The following MIPOL1 variants were observed in gnomAD, a reference collection of about 807,000 sequenced individuals.
MIPOL1 encodes the protein mirror-image polydactyly 1, also known as mirror-image polydactyly gene 1 protein.
A neutral mutation model predicts 60.9 loss-of-function variants in MIPOL1; 57 were observed. The ratio of observed to expected loss-of-function variants is 0.94; its 90% CI spans 0.76 to 1.17. The LOEUF is 1.17. Among genes scored for constraint, MIPOL1 ranks in the 50% most tolerant of loss-of-function variants. MIPOL1 has a pLI of 0.00. For synonymous variants in MIPOL1, 179 were observed against 168.8 expected (o/e 1.06, Z -0.47); for missense variants, 551 against 511.6 (o/e 1.08, Z -0.74).
intron 10 of MIPOL1, among the ~76,000 whole-genome samples, chr14:37,414,478 C>A (rs1051328878): frequency 6.6e-6 from 1 of 152,162 alleles, no homozygotes; most frequent in Non-Finnish European, 1.5e-5. Flanking sequence ...ATGTAGATAT[C>A]TTCCCTTGTG....
At chr14:37,307,914 C>G in intron 7 of MIPOL1, 142 bp from the exon 8 acceptor site, 1 of 647,394 alleles carries the variant, frequency 1.5e-6, no homozygotes, top group Non-Finnish European at 2.7e-6. Context: ...GCAGGTGGCA[C>G]TTTAATATGT....
rs1018320456 is a variant in MIPOL1 at position 37,241,944 on chromosome 14, T to C, written c.-198-5159T>C. Among the ~76,000 whole-genome samples, 10 of 147,592 alleles carry C rather than the reference T, an allele frequency of 6.8e-5. No individual in the cohort carries two copies. The East Asian group carries it at 2.0e-3, about 30-fold the overall frequency. ...TTTATTTTGAACTTTTTAGTCTAGT[T>C]AATCCAAGCAAACACGCCAGCAAGC... On this transcript the variant is annotated intron_variant, in intron 1 of 12. Coordinates refer to ENST00000684589, the MANE Select transcript of MIPOL1 (RefSeq NM_001388067.1).
intron 6 of MIPOL1, among the ~76,000 whole-genome samples, chr14:37,273,793 G>A (rs546080516): frequency 2.8e-4 from 43 of 151,450 alleles, no homozygotes; most frequent in Admixed American, 5.9e-4. Flanking sequence ...TATCTTCTCC[G>A]ATGTAAAATG....
At chr14:37,410,300 A>G (rs192461533) in intron 10 of MIPOL1, among the ~76,000 whole-genome samples, 2 of 152,314 alleles carry the variant, frequency 1.3e-5, no homozygotes, top group East Asian at 1.9e-4. Flanking sequence ...TGGCACATGT[A>G]TAGATATGTA....
chr14:37,433,906 C>G (rs994272849), intron 11 of MIPOL1, among the ~76,000 whole-genome samples: 26 of 152,254 alleles, frequency 1.7e-4, no homozygotes, highest in Admixed American at 6.5e-4. Context: ...TGTATATGTG[C>G]TACATTTTCT....
intron 1 of MIPOL1, among the ~76,000 whole-genome samples, chr14:37,234,261 CA>C (rs759687099): frequency 4.6e-5 from 7 of 151,542 alleles, no homozygotes; most frequent in Middle Eastern, 6.9e-3. Context: ...ATGGTCACGA[CA>C]ATTTTTTTTT....
At chr14:37,234,942 A>ATTTTTT (rs5807941) in intron 1 of MIPOL1, among the ~76,000 whole-genome samples, 15 of 116,830 alleles carry the variant, frequency 1.3e-4, no homozygotes, top group Non-Finnish European at 1.7e-4. Flanking sequence ...CGTACGGCTA[A>ATTTTTT]TTTTTTTTTT....
chr14:37,355,189 AT>A (rs896537192), intron 9 of MIPOL1, among the ~76,000 whole-genome samples: 2 of 148,056 alleles, frequency 1.4e-5, no homozygotes, highest in African/African-American at 5.0e-5. Context: ...TGGATATGAA[AT>A]TCTGGGTTGA....
At chr14:37,283,847 C>T (rs1169778633) in intron 6 of MIPOL1, among the ~76,000 whole-genome samples, 2 of 152,136 alleles carry the variant, frequency 1.3e-5, no homozygotes, top group African/African-American at 4.8e-5. Flanking sequence ...TACCTTAAAT[C>T]ACAGTTAAAA....
At chr14:37,482,006 A>C (rs1216387931) in intron 11 of MIPOL1, among the ~76,000 whole-genome samples, 1 of 152,098 alleles carries the variant, frequency 6.6e-6, no homozygotes, top group Non-Finnish European at 1.5e-5. Flanking sequence ...TAGGAGGGGA[A>C]ACTATATTAT....
intron 11 of MIPOL1, among the ~76,000 whole-genome samples, chr14:37,450,383 A>G (rs1181761444): frequency 1.3e-5 from 2 of 152,168 alleles, no homozygotes; most frequent in African/African-American, 4.8e-5. Context: ...AAATTTTCTG[A>G]ATATAGAATT....
intron 11 of MIPOL1, 21 bp from the exon 12 acceptor site, chr14:37,499,886 AT>A (rs762146376): frequency 2.6e-5 from 35 of 1,355,414 alleles, no homozygotes; most frequent in East Asian, 1.2e-4. Flanking sequence ...TTATCTTTAA[AT>A]TTTTTTTAAT....
At chr14:37,405,788 C>T (rs2093575949) in intron 10 of MIPOL1, among the ~76,000 whole-genome samples, 1 of 151,304 alleles carries the variant, frequency 6.6e-6, no homozygotes. Flanking sequence ...AGTTATAATT[C>T]TTTGCTAGAT....
rs1054289432 is a variant in MIPOL1 at position 37,326,544 on chromosome 14, C to T, written c.828+18025C>T. 2.0e-5 allele frequency among the ~76,000 whole-genome samples: 3 copies of T among 152,280 alleles called. No individual in the cohort carries two copies. In the South Asian group the frequency reaches 6.2e-4, roughly 32 times the overall value. ...CCAGTGTAGTCACCCTTCCATTATT[C>T]CCCTGGTAGATTGCTCAGGGAATGG... On this transcript the variant is annotated intron_variant, in intron 9 of 12. Transcript: ENST00000684589.
chr14:37,343,429 C>G (rs1412967703), intron 9 of MIPOL1, among the ~76,000 whole-genome samples: 1 of 152,180 alleles, frequency 6.6e-6, no homozygotes, highest in Non-Finnish European at 1.5e-5. Context: ...TAAGTACTTT[C>G]AAACATCTGC....
chr14:37,209,257 A>C (rs1354683856), intron 1 of MIPOL1, among the ~76,000 whole-genome samples: 1 of 152,208 alleles, frequency 6.6e-6, no homozygotes, highest in African/African-American at 2.4e-5. Context: ...TTAAAAATCC[A>C]GTGGGACATC....
intron 1 of MIPOL1, among the ~76,000 whole-genome samples, chr14:37,207,204 C>A (rs1167461674): frequency 6.6e-6 from 1 of 152,128 alleles, no homozygotes; most frequent in Non-Finnish European, 1.5e-5. Context: ...ATCATGGGGG[C>A]AGTTCCCCCA....
At chr14:37,264,394 G>A (rs934562503) in intron 3 of MIPOL1, among the ~76,000 whole-genome samples, 1 of 152,004 alleles carries the variant, frequency 6.6e-6, no homozygotes, top group Non-Finnish European at 1.5e-5. Flanking sequence ...GGGAGGCAGA[G>A]GCAGGAGGAT....
intron 7 of MIPOL1, among the ~76,000 whole-genome samples, chr14:37,286,165 G>GT (rs1322979184): frequency 4.6e-5 from 7 of 151,980 alleles, no homozygotes; most frequent in Non-Finnish European, 7.4e-5. Flanking sequence ...TTTACTTGCA[G>GT]TTTTTTTAGC....
Sources: allele counts gnomAD v4.1 joint callset (sites outside exome capture counted in the v4.1 genomes callset), GRCh38; gene constraint gnomAD v4.1.1; transcripts MANE v1.5; gene names NCBI Gene and HGNC (gene_info 2026-07-23, HGNC 2026-07-21).